DCAF12: variants seen among roughly 807,000 people sequenced by gnomAD.
DCAF12 encodes the protein DDB1- and CUL4-associated factor 12.
In DCAF12, 28 loss-of-function variants were observed where a neutral mutation model predicts 52.8. That is an observed-to-expected ratio of 0.53 (90% CI 0.39 to 0.73). DCAF12 has a LOEUF of 0.73. Ranked by LOEUF, DCAF12 falls within the 30% of genes least tolerant of loss-of-function variation. The pLI is 0.00. For missense variants in DCAF12, 425 were observed against 552.2 expected (o/e 0.77, Z 2.31); for synonymous variants, 196 against 215.5 (o/e 0.91, Z 0.79).
intron 2 of DCAF12, among the ~76,000 whole-genome samples, chr9:34,107,811 T>C (rs1189590091): frequency 1.3e-5 from 2 of 152,240 alleles, no homozygotes; most frequent in African/African-American, 4.8e-5. Flanking sequence ...CAGTAAGTTC[T>C]GCCTGGGATT....
chr9:34,091,385 G>A (rs1189402097), intron 7 of DCAF12, among the ~76,000 whole-genome samples: 1 of 151,986 alleles, frequency 6.6e-6, no homozygotes, highest in Non-Finnish European at 1.5e-5. Context: ...TGTAATCCCT[G>A]TAATCTTAGC....
chr9:34,125,704 A>G, intron 1 of DCAF12: 1 of 376,918 alleles, frequency 2.7e-6, no homozygotes, highest in Non-Finnish European at 5.7e-6. Context: ...CCTGGCTCCC[A>G]GGTCTTCCAG....
chr9:34,103,168 T>G (rs1266921007), intron 4 of DCAF12, among the ~76,000 whole-genome samples: 1 of 148,440 alleles, frequency 6.7e-6, no homozygotes, highest in Non-Finnish European at 1.5e-5. Flanking sequence ...TCCCGGCACT[T>G]TAGGAGGCCG....
chr9:34,103,057 T>C (rs1828854160), intron 4 of DCAF12, among the ~76,000 whole-genome samples: 1 of 133,250 alleles, frequency 7.5e-6, no homozygotes. Context: ...ATCACGCCAC[T>C]GCATTCCATC....
intron 6 of DCAF12, chr9:34,093,668 TG>T (rs1438400735): frequency 4.0e-6 from 2 of 497,316 alleles, no homozygotes; most frequent in African/African-American, 3.9e-5. Context: ...GGAGATAGGT[TG>T]GGGAAAAGGT....
rs1352963189 is a variant in DCAF12, at chr9:34,087,612, G to A, written c.*738C>T. The A allele has an allele frequency of 6.6e-6, 1 of 152,152 alleles. No individual in the cohort carries two copies. Among genetic ancestry groups the A allele is most frequent in the Admixed American group, 6.6e-5 (1 of 15,256 alleles). The allele number at this position is 152,152 out of a possible 1,614,324, so 9.4% of individuals were successfully genotyped here. On this transcript the variant is annotated 3_prime_UTR_variant, in exon 9 of 9. Coordinates refer to ENST00000361264, the MANE Select transcript of DCAF12 (RefSeq NM_015397.4). Reference sequence around the variant, plus strand: ...CTTCCCACACGGGGGACACACAGGTGGGAAGACAGGTAGGGCTGGATCACT... The same window carrying A: ...CTTCCCACACGGGGGACACACAGGTAGGAAGACAGGTAGGGCTGGATCACT...
At chr9:34,091,109 T>C (rs1452835806) in intron 7 of DCAF12, among the ~76,000 whole-genome samples, 1 of 151,966 alleles carries the variant, frequency 6.6e-6, no homozygotes, top group East Asian at 1.9e-4. Context: ...AGTGGATCAC[T>C]TGAGGTCAGG....
chr9:34,096,633 GA>G (rs911124390), intron 6 of DCAF12, 82 bp downstream of exon 6: 56 of 1,255,156 alleles, frequency 4.5e-5, no homozygotes, highest in African/African-American at 2.4e-4. Flanking sequence ...AAATAAACAT[GA>G]AAAAAAAGCT....
rs577355108 is a variant in DCAF12, at chr9:34,088,510, T to C, written c.1204-2A>G. 1 of 1,614,088 alleles carries C rather than the reference T, an allele frequency of 6.2e-7. No homozygotes were observed. Among genetic ancestry groups the C allele is most frequent in the Non-Finnish European group, 8.5e-7 (1 of 1,179,976 alleles). On this transcript the variant is annotated splice_acceptor_variant, in intron 8 of 8. Coordinates refer to ENST00000361264, the MANE Select transcript of DCAF12 (RefSeq NM_015397.4). LOFTEE classifies it high-confidence loss of function. The stretch of plus-strand genomic sequence containing the variant: ...ATTCCTCCAGGTTTCATCATGATTC[T>C]ACGGGAAGAGAAAGAGACTACAATT...
At chr9:34,115,075 C>A (rs576897609) in intron 2 of DCAF12, among the ~76,000 whole-genome samples, 1 of 152,218 alleles carries the variant, frequency 6.6e-6, no homozygotes, top group South Asian at 2.1e-4. Flanking sequence ...GAAAGTAATT[C>A]TACGCAGGTC....
At chr9:34,091,925 C>T (rs186658538) in intron 7 of DCAF12, among the ~76,000 whole-genome samples, 10 of 152,296 alleles carry the variant, frequency 6.6e-5, no homozygotes, top group Admixed American at 6.5e-4. Context: ...TTAGCTGGCT[C>T]TAGGTCTTAT....
intron 2 of DCAF12, among the ~76,000 whole-genome samples, chr9:34,112,983 C>T (rs981942804): frequency 4.6e-5 from 7 of 152,202 alleles, no homozygotes; most frequent in African/African-American, 1.7e-4. Context: ...TGCCCACTCA[C>T]ATATTTGTGT....
intron 5 of DCAF12, 89 bp downstream of exon 5, chr9:34,098,235 C>T: frequency 1.5e-6 from 2 of 1,367,800 alleles, no homozygotes; most frequent in Non-Finnish European, 2.0e-6. Context: ...TGCTATGTAG[C>T]AAGCACTGAT....
At chr9:34,115,018 T>C (rs1036117680) in intron 2 of DCAF12, among the ~76,000 whole-genome samples, 15 of 151,948 alleles carry the variant, frequency 9.9e-5, no homozygotes, top group African/African-American at 3.4e-4. Flanking sequence ...AACCTTACAA[T>C]GTTTCTAAAA....
At chr9:34,092,562 T>C (rs1828661063) in intron 7 of DCAF12, among the ~76,000 whole-genome samples, 1 of 151,982 alleles carries the variant, frequency 6.6e-6, no homozygotes, top group African/African-American at 2.4e-5. Flanking sequence ...GGTGTGTGCC[T>C]GTAGTCCCAC....
At chr9:34,096,865 G>C in intron 5 of DCAF12, 84 bp from the exon 6 acceptor site, 1 of 1,284,132 alleles carries the variant, frequency 7.8e-7, no homozygotes, top group South Asian at 1.2e-5. Context: ...TCTAAGGTCA[G>C]GGTCCTTTAT....
At chr9:34,122,069 G>A (rs1242862249) in intron 2 of DCAF12, among the ~76,000 whole-genome samples, 1 of 152,106 alleles carries the variant, frequency 6.6e-6, no homozygotes, top group African/African-American at 2.4e-5. Flanking sequence ...AAATGTACAT[G>A]TTTTCCAAGG....
intron 2 of DCAF12, chr9:34,109,698 C>T (rs2131436781): frequency 1.1e-5 from 2 of 185,414 alleles, no homozygotes; most frequent in Non-Finnish European, 1.1e-5. Context: ...TGAAGAAGTG[C>T]AAGCGGGGGA....
At chr9:34,105,185 G>A (rs531079818) in intron 4 of DCAF12, among the ~76,000 whole-genome samples, 13 of 152,018 alleles carry the variant, frequency 8.6e-5, no homozygotes, top group Non-Finnish European at 1.6e-4. Flanking sequence ...CCTGGGAAGC[G>A]GAGGTTGTGG....
Sources: gnomAD v4.1 joint callset for allele counts (sites outside exome capture counted in the v4.1 genomes callset) on GRCh38, gnomAD v4.1.1 for gene constraint, MANE v1.5 for transcripts, NCBI Gene and HGNC (gene_info 2026-07-23, HGNC 2026-07-21) for gene names.